The following USP34 variants were observed in gnomAD, a reference collection of about 807,000 sequenced individuals.
USP34 encodes ubiquitin specific peptidase 34.
USP34 carries 70 observed loss-of-function variants against 460.3 expected under a neutral mutation model. The ratio of observed to expected loss-of-function variants is 0.15; its 90% CI spans 0.13 to 0.19. The LOEUF is 0.19. Among genes scored for constraint, USP34 ranks in the 10% least tolerant of loss-of-function variants. The probability of loss-of-function intolerance (pLI) is 1.00; values close to 1 mark genes in which losing one functional copy is unlikely to be tolerated. For synonymous variants in USP34, 1,647 were observed against 1,405.3 expected, an observed-to-expected ratio of 1.17 and a Z score of -3.85; for missense variants, 3,985 against 4,236.2, an observed-to-expected ratio of 0.94 and a Z score of 1.65.
chr2:61,456,337 A>G (rs1404101770), intron 1 of USP34, among the ~76,000 whole-genome samples: 1 of 152,196 alleles, frequency 6.6e-6, no homozygotes, highest in Non-Finnish European at 1.5e-5. Context: ...ATCAAAGTCC[A>G]TCCTCTTTGA....
intron 1 of USP34, among the ~76,000 whole-genome samples, chr2:61,439,697 T>A (rs2104020136): frequency 6.6e-6 from 1 of 152,274 alleles, no homozygotes; most frequent in Non-Finnish European, 1.5e-5. Context: ...GGCATGTTTC[T>A]AAGAGAACAG....
chr2:61,222,173 A>G (rs1410011198), intron 65 of USP34, among the ~76,000 whole-genome samples: 1 of 152,246 alleles, frequency 6.6e-6, no homozygotes, highest in Non-Finnish European at 1.5e-5. Context: ...AGCTTCCTAT[A>G]GCAACCTGAG....
At chr2:61,349,637 G>A (rs1264799828) in intron 12 of USP34, among the ~76,000 whole-genome samples, 5 of 152,078 alleles carry the variant, frequency 3.3e-5, no homozygotes, top group Admixed American at 6.6e-5. Flanking sequence ...TCAGGAGATC[G>A]AGACCATCCT....
chr2:61,218,547 T>C (rs1572844322), intron 67 of USP34, among the ~76,000 whole-genome samples: 1 of 152,050 alleles, frequency 6.6e-6, no homozygotes, highest in African/African-American at 2.4e-5. Context: ...CTCTCCACTT[T>C]AGATTTCACT....
intron 43 of USP34, among the ~76,000 whole-genome samples, chr2:61,261,278 GAATA>G (rs1688870355): frequency 1.3e-5 from 2 of 152,148 alleles, no homozygotes; most frequent in African/African-American, 4.8e-5. Flanking sequence ...ATAAGTGAAA[GAATA>G]AATAAAATGT....
intron 2 of USP34, chr2:61,417,126 T>C: frequency 6.4e-7 from 1 of 1,566,630 alleles, no homozygotes; most frequent in Middle Eastern, 2.3e-4. Context: ...TGGACATAAC[T>C]TGGCCAATGT....
intron 29 of USP34, among the ~76,000 whole-genome samples, chr2:61,298,233 T>C (rs1267828743): frequency 1.3e-5 from 2 of 151,376 alleles, no homozygotes; most frequent in Non-Finnish European, 2.9e-5. Flanking sequence ...TTCAATAAAA[T>C]ATCTGCAGCT....
Position 61,187,512 on chromosome 2 carries a change from TC to T in USP34, c.*589del. On this transcript the variant is annotated 3_prime_UTR_variant, in exon 80 of 80. Transcript: ENST00000398571. ...ATTAAGTGCACAGAATAGCAATCAATCAATCAGTCATGTCAATAAAAATAAA... is the reference window on the plus strand; with the variant it reads ...ATTAAGTGCACAGAATAGCAATCAATAATCAGTCATGTCAATAAAAATAAA... 1.0e-6 allele frequency: 1 copy of T among 980,684 alleles called. No homozygotes were observed. Among genetic ancestry groups the T allele is most frequent in the Non-Finnish European group, 1.2e-6 (1 of 827,790 alleles). The allele number at this position is 980,684 out of a possible 1,614,324, so 60.7% of individuals were successfully genotyped here.
chr2:61,385,446 C>T (rs1026740689), intron 5 of USP34, among the ~76,000 whole-genome samples: 4 of 151,748 alleles, frequency 2.6e-5, no homozygotes, highest in Middle Eastern at 3.4e-3. Context: ...CCGAGGCGGG[C>T]GGATCACGAG....
rs77775774 is a variant in USP34 at position 61,404,743 on chromosome 2, C to T, written c.552+965G>A. On this transcript the variant is annotated intron_variant, in intron 3 of 79. Coordinates refer to ENST00000398571, the MANE Select transcript of USP34 (RefSeq NM_014709.4). ...TACACAAAACTAGCTAAGGAACTGC[C>T]TGTGAGAATCATGAGGAATAATAAA... 2.2e-3 allele frequency among the ~76,000 whole-genome samples: 333 copies of T among 152,248 alleles called. 3 individuals carry two copies. The highest frequency in any genetic ancestry group is 7.8e-3 in the African/African-American group (322 of 41,534).
chr2:61,317,529 A>C (rs1383301134), intron 23 of USP34, 125 bp downstream of exon 23: 2 of 790,862 alleles, frequency 2.5e-6, no homozygotes, highest in Non-Finnish European at 4.0e-6. Context: ...TCCATCTCAA[A>C]ACAAACCCAA....
chr2:61,342,545 C>T (rs1199244233), intron 16 of USP34, among the ~76,000 whole-genome samples: 1 of 151,852 alleles, frequency 6.6e-6, no homozygotes, highest in Non-Finnish European at 1.5e-5. Flanking sequence ...CTCCTGACCT[C>T]AAGTGATCTG....
intron 5 of USP34, among the ~76,000 whole-genome samples, chr2:61,387,928 T>TAC (rs36116916): frequency 0.1 from 14,531 of 142,456 alleles, 886 homozygotes; most frequent in African/African-American, 0.17. Flanking sequence ...AATATATTTA[T>TAC]ACACACACAC....
rs186828741 is a variant in USP34, at chr2:61,338,465, T to G, written c.2744+886A>C. The stretch of plus-strand genomic sequence containing the variant: ...CCTTTAAAGAACCAAAAAAAGAAAA[T>G]AAAATATAGCATGTACTTTTAAAAT... On this transcript the variant is annotated intron_variant, in intron 18 of 79. Coordinates refer to ENST00000398571, the MANE Select transcript of USP34 (RefSeq NM_014709.4). Among the ~76,000 whole-genome samples, 286 of 152,210 alleles carry G rather than the reference T, an allele frequency of 1.9e-3. 5 individuals carry two copies. The highest frequency in any genetic ancestry group is 0.016 in the Admixed American group (243 of 15,292).
intron 44 of USP34, among the ~76,000 whole-genome samples, chr2:61,258,361 G>A (rs772521166): frequency 2.3e-4 from 35 of 152,084 alleles, no homozygotes; most frequent in Admixed American, 3.9e-4. Flanking sequence ...AAAGAAGTAT[G>A]ACACAATCCC....
At chr2:61,357,361 A>T (rs1348648499) in intron 10 of USP34, among the ~76,000 whole-genome samples, 1 of 152,230 alleles carries the variant, frequency 6.6e-6, no homozygotes. Flanking sequence ...ATCACAAGGG[A>T]AATTAGAAAA....
At position 61,187,828 on chromosome 2, in the gene USP34, C is replaced by CCAGA; in HGVS notation, c.*270_*273dup. ...ACAGGGCTAGGCAACCCTGTTCTTCCCAGACAGCCATATTAAATGAAAGCC... is the reference window on the plus strand; with the variant it reads ...ACAGGGCTAGGCAACCCTGTTCTTCCCAGACAGACAGCCATATTAAATGAAAGCC... On this transcript the variant is annotated 3_prime_UTR_variant, in exon 80 of 80. Transcript: ENST00000398571. 3.5e-6 allele frequency: 4 copies of CCAGA among 1,135,102 alleles called. No individual in the cohort carries two copies. Among genetic ancestry groups the CCAGA allele is most frequent in the Middle Eastern group, 2.2e-4 (1 of 4,490 alleles). 70.3% of individuals were successfully genotyped at this position (1,135,102 alleles called of 1,614,324 possible). A position where few individuals can be genotyped will look rare whatever the true frequency, so the allele number is the denominator to read the frequency against.
chr2:61,317,603 A>G (rs765090751), intron 23 of USP34, 51 bp downstream of exon 23: 2 of 1,469,450 alleles, frequency 1.4e-6, no homozygotes, highest in Non-Finnish European at 1.9e-6. Context: ...CGAATTTGAT[A>G]ATCTAATTTG....
intron 27 of USP34, among the ~76,000 whole-genome samples, chr2:61,309,709 G>C (rs1690527340): frequency 6.6e-6 from 1 of 152,172 alleles, no homozygotes; most frequent in South Asian, 2.1e-4. Context: ...CTACTCCTGA[G>C]AGTTATGGTA....
Sources: allele counts gnomAD v4.1 joint callset (sites outside exome capture counted in the v4.1 genomes callset), GRCh38; gene constraint gnomAD v4.1.1; transcripts MANE v1.5; gene names NCBI Gene and HGNC (gene_info 2026-07-23, HGNC 2026-07-21).